AGO1: variants seen among roughly 807,000 people sequenced by gnomAD.
AGO1 encodes the protein argonaute RISC component 1.
AGO1 carries 11 observed loss-of-function variants against 109.2 expected under a neutral mutation model. The ratio of observed to expected loss-of-function variants is 0.10; its 90% CI spans 0.06 to 0.17. AGO1 has a LOEUF of 0.17. Ranked by LOEUF, AGO1 falls within the 10% of genes least tolerant of loss-of-function variation. The probability of loss-of-function intolerance (pLI) is 1.00; values close to 1 mark genes in which losing one functional copy is unlikely to be tolerated. For synonymous variants in AGO1, 422 were observed against 418.6 expected (o/e 1.01, Z -0.10); for missense variants, 574 against 1,140.3 (o/e 0.50, Z 7.15).
At position 35,901,340 on chromosome 1, in the gene AGO1, A is replaced by G. The variant is rs1645412829; in HGVS notation, c.1021-134A>G. 9.6e-7 allele frequency: 1 copy of G among 1,041,716 alleles called. No individual in the cohort carries two copies. Among genetic ancestry groups the G allele is most frequent in the Admixed American group, 2.3e-5 (1 of 44,372 alleles). The allele number at this position is 1,041,716 out of a possible 1,614,324, so 64.5% of individuals were successfully genotyped here. On this transcript the variant is annotated intron_variant, in intron 8 of 18. Transcript: ENST00000373204. This position sits in a 1 kb window ranked among gnomAD's most constrained non-coding sequence, Gnocchi z 4.8. The stretch of plus-strand genomic sequence containing the variant: ...ATCAAATGATACTCAGGAGGAGAAT[A>G]CATGTATGCACAACGGATTTTGCAG...
upstream of AGO1, among the ~76,000 whole-genome samples, chr1:35,880,233 C>G (rs1645024380): frequency 6.6e-6 from 1 of 151,530 alleles, no homozygotes; most frequent in African/African-American, 2.4e-5. Flanking sequence ...CACCTTTGCC[C>G]TGGTGTAACT....
upstream of AGO1, among the ~76,000 whole-genome samples, chr1:35,880,103 A>G (rs1317459070): frequency 6.6e-6 from 1 of 152,168 alleles, no homozygotes; most frequent in Non-Finnish European, 1.5e-5. Flanking sequence ...GGTAAACCCA[A>G]ATTTACTGAT....
At chr1:35,879,207 T>A (rs376321139), upstream of AGO1, among the ~76,000 whole-genome samples, 2 of 152,200 alleles carry the variant, frequency 1.3e-5, no homozygotes, top group African/African-American at 4.8e-5. Flanking sequence ...CCCAGCACTT[T>A]GGGAGGCCGA....
intron 12 of AGO1, among the ~76,000 whole-genome samples, chr1:35,910,947 T>TC (rs1484293345): frequency 1.3e-5 from 2 of 152,120 alleles, no homozygotes; most frequent in East Asian, 3.9e-4. Flanking sequence ...GCGCCTGTAA[T>TC]CCCAGCTACT....
At chr1:35,903,258 G>C (rs186710264) in intron 11 of AGO1, among the ~76,000 whole-genome samples, 1 of 151,520 alleles carries the variant, frequency 6.6e-6, no homozygotes, top group Non-Finnish European at 1.5e-5. Flanking sequence ...CTCCTGCTTC[G>C]GTCTCCCAAA....
intron 1 of AGO1, chr1:35,873,464 A>G (rs1219318485): frequency 6.6e-6 from 1 of 152,670 alleles, no homozygotes; most frequent in East Asian, 1.9e-4. Flanking sequence ...GATAACTTAT[A>G]TCGTGGTGAT....
chr1:35,891,493 C>T lies in AGO1; in HGVS notation c.210-1064C>T, dbSNP rs952719712. On this transcript the variant is annotated intron_variant, in intron 2 of 18. Transcript: ENST00000373204. ...GCTTATCAGATCTGGGATTAGAGAT[C>T]TGGGATTAGATTGGAGCAGCCTAGA... 2.0e-5 allele frequency among the ~76,000 whole-genome samples: 3 copies of T among 152,264 alleles called. No individual in the cohort carries two copies. The South Asian group carries it at 6.2e-4, about 32-fold the overall frequency.
In AGO1 at chr1:35,901,697, G is replaced by A; in HGVS notation, c.1140+104G>A. The stretch of plus-strand genomic sequence containing the variant: ...TTCAGGAGAACCCAAGTCTAGATTT[G>A]TTGCCTAGGACTGTATAAGGCTGCT... On this transcript the variant is annotated intron_variant, in intron 9 of 18. Coordinates refer to ENST00000373204, the MANE Select transcript of AGO1 (RefSeq NM_012199.5). The surrounding 1 kb of genome is among the most constrained non-coding windows in gnomAD (Gnocchi z 4.8). The A allele has an allele frequency of 1.3e-6, 2 of 1,571,520 alleles. No individual in the cohort carries two copies. The highest frequency in any genetic ancestry group is 1.7e-6 in the Non-Finnish European group (2 of 1,152,616).
rs1308105967 is a variant in AGO1, at chr1:35,887,895, G to A, written c.26-532G>A. On this transcript the variant is annotated intron_variant, in intron 1 of 18. Transcript: ENST00000373204. Reference sequence around the variant, plus strand: ...CCCTGTCTCCAACTCTCGCCATTCAGTTGCCTTAATTCTGCCTCAAACACT... The same window carrying A: ...CCCTGTCTCCAACTCTCGCCATTCAATTGCCTTAATTCTGCCTCAAACACT... Among the ~76,000 whole-genome samples the A allele has an allele frequency of 5.9e-5, 9 of 152,156 alleles. No homozygotes were observed. The East Asian group carries it at 1.7e-3, about 29-fold the overall frequency.
chr1:35,898,234 A>G (rs537590155), intron 8 of AGO1, among the ~76,000 whole-genome samples: 1 of 151,952 alleles, frequency 6.6e-6, no homozygotes, highest in African/African-American at 2.4e-5. Flanking sequence ...CCTAAGAGTG[A>G]TATAATATAT....
chr1:35,924,877 AAC>A lies in AGO1; in HGVS notation c.*5274_*5275del, dbSNP rs1423093406. ...GGCAGTAAGGGTAAGGTGTCCAGTAAACACAGGTTGGTGCTCAGGTAAGACTG... is the reference window on the plus strand; with the variant it reads ...GGCAGTAAGGGTAAGGTGTCCAGTAAACAGGTTGGTGCTCAGGTAAGACTG... On this transcript the variant is annotated 3_prime_UTR_variant, in exon 19 of 19. Coordinates refer to ENST00000373204, the MANE Select transcript of AGO1 (RefSeq NM_012199.5). 1.3e-5 allele frequency: 2 copies of A among 152,192 alleles called. No individual in the cohort carries two copies. Among genetic ancestry groups the A allele is most frequent in the African/African-American group, 4.8e-5 (2 of 41,426 alleles). The allele number at this position is 152,192 out of a possible 1,614,324, so 9.4% of individuals were successfully genotyped here.
At position 35,913,990 on chromosome 1, in the gene AGO1, C is replaced by A; in HGVS notation, c.1731C>A (p.Val577=). 2 of 1,614,058 alleles carry A rather than the reference C, an allele frequency of 1.2e-6. No individual in the cohort carries two copies. Among genetic ancestry groups the A allele is most frequent in the Non-Finnish European group, 1.7e-6 (2 of 1,180,000 alleles). The change falls in exon 13 of 19, where the codon GTC becomes GTA. Residue 577 remains valine (V), a synonymous_variant. Transcript: ENST00000373204. ...VKLGGINNIL[V]PHQRSAVFQQ... Reference sequence around the variant, plus strand: ...TTGGTGGCATTAACAACATCCTAGTCCCACACCAGCGGTATGAACTCTGTT... The same window carrying A: ...TTGGTGGCATTAACAACATCCTAGTACCACACCAGCGGTATGAACTCTGTT...
intron 12 of AGO1, among the ~76,000 whole-genome samples, chr1:35,908,319 AATCCTT>A (rs1342570517): frequency 6.6e-6 from 1 of 152,136 alleles, no homozygotes; most frequent in Non-Finnish European, 1.5e-5. Context: ...CATTACCAGG[AATCCTT>A]GGTATTCTAC....
upstream of AGO1, among the ~76,000 whole-genome samples, chr1:35,880,879 C>T (rs556018348): frequency 6.6e-6 from 1 of 152,150 alleles, no homozygotes; most frequent in Admixed American, 6.5e-5. Flanking sequence ...AGGCTGGTCT[C>T]GAACTCCTGA....
Position 35,913,930 on chromosome 1 carries a change from T to C in AGO1, c.1671T>C (p.Thr557=). 6.2e-7 allele frequency: 1 copy of C among 1,614,146 alleles called. No individual in the cohort carries two copies. The highest frequency in any genetic ancestry group is 8.5e-7 in the Non-Finnish European group (1 of 1,180,028). The part of the protein sequence containing the change: ...VKNVVKTSPQ[T]LSNLCLKINV... ...ACGTGGTCAAGACCTCACCTCAGACTCTGTCCAACCTCTGCCTCAAGATCA... is the reference window on the plus strand; with the variant it reads ...ACGTGGTCAAGACCTCACCTCAGACCCTGTCCAACCTCTGCCTCAAGATCA... The change falls in exon 13 of 19, where the codon ACT becomes ACC. Residue 557 remains threonine, a synonymous_variant. Transcript: ENST00000373204.
In AGO1 at chr1:35,929,806, A is replaced by G. The variant is rs1483140763; in HGVS notation, c.*10199A>G. 1.3e-5 allele frequency: 2 copies of G among 152,178 alleles called. No individual in the cohort carries two copies. The highest frequency in any genetic ancestry group is 1.3e-4 in the Admixed American group (2 of 15,278). 9.4% of individuals were successfully genotyped at this position (152,178 alleles called of 1,614,324 possible). Reference sequence around the variant, plus strand: ...ATAGTAAATACTTGTGTTATTCACTAACATTTGGGGAGGATTTTCTCTGTG... The same window carrying G: ...ATAGTAAATACTTGTGTTATTCACTGACATTTGGGGAGGATTTTCTCTGTG... On this transcript the variant is annotated 3_prime_UTR_variant, in exon 19 of 19. Coordinates refer to ENST00000373204, the MANE Select transcript of AGO1 (RefSeq NM_012199.5).
At position 35,907,064 on chromosome 1, in the gene AGO1, C is replaced by A. The variant is rs751289476; in HGVS notation, c.1527C>A (p.Thr509=). ...CTATGTTCCGGCATCTCAAGAACAC[C>A]TACTCAGGGCTGCAGCTCATTATTG... The part of the protein sequence containing the change: ...VEPMFRHLKN[T]YSGLQLIIVI... Residue 509 remains threonine, a synonymous_variant, in exon 12 of 19, where the codon ACC becomes ACA. Coordinates refer to ENST00000373204, the MANE Select transcript of AGO1 (RefSeq NM_012199.5). The A allele has an allele frequency of 1.9e-6, 3 of 1,614,058 alleles. No homozygotes were observed. Among genetic ancestry groups the A allele is most frequent in the Non-Finnish European group, 2.5e-6 (3 of 1,180,014 alleles).
chr1:35,882,998 C>T, upstream of AGO1: 1 of 926,650 alleles, frequency 1.1e-6, no homozygotes, highest in Non-Finnish European at 1.3e-6. This position sits in a 1 kb window ranked among gnomAD's most constrained non-coding sequence, Gnocchi z 5.1. Flanking sequence ...GCGGGATGTC[C>T]CTTCGCCCTG....
chr1:35,884,006 C>T (rs1035520561), intron 1 of AGO1, among the ~76,000 whole-genome samples: 1 of 152,190 alleles, frequency 6.6e-6, no homozygotes, highest in Admixed American at 6.5e-5. Flanking sequence ...GCGGAGGCTC[C>T]AGAGCATGCG....
Sources: gnomAD v4.1 joint callset for allele counts (sites outside exome capture counted in the v4.1 genomes callset) on GRCh38, gnomAD v4.1.1 for gene constraint, Gnocchi (gnomAD v3.1) non-coding constraint, MANE v1.5 for transcripts, NCBI Gene and HGNC (gene_info 2026-07-23, HGNC 2026-07-21) for gene names.